The following IL1RAPL1 variants were observed in gnomAD, a reference collection of about 807,000 sequenced individuals.
The protein encoded by IL1RAPL1 is interleukin-1 receptor accessory protein-like 1.
A neutral mutation model predicts 48.4 loss-of-function variants in IL1RAPL1; 3 were observed. The ratio of observed to expected loss-of-function variants is 0.06; its 90% CI spans 0.03 to 0.16. The LOEUF (loss-of-function observed/expected upper bound fraction) is 0.16, where lower values mean the gene tolerates loss of function less well. Among genes scored for constraint, IL1RAPL1 ranks in the 10% least tolerant of loss-of-function variants. The pLI, the probability that IL1RAPL1 is intolerant of heterozygous loss-of-function variation, is 1.00. For synonymous variants in IL1RAPL1, 185 were observed against 187.7 expected, an observed-to-expected ratio of 0.99 and a Z score of 0.12; for missense variants, 349 against 530.6, an observed-to-expected ratio of 0.66 and a Z score of 3.36.
At chrX:29,191,991 C>T (rs144017112) in intron 2 of IL1RAPL1, among the ~76,000 whole-genome samples, 1 of 111,778 alleles carries the variant, frequency 8.9e-6, no homozygotes, top group African/African-American at 3.3e-5. Context: ...AATGCAAGAG[C>T]AAACTCTCCT....
At chrX:29,800,406 C>G (rs62586519) in intron 6 of IL1RAPL1, among the ~76,000 whole-genome samples, 138 of 110,541 alleles carry the variant, frequency 1.2e-3, no homozygotes, top group Admixed American at 2.1e-3. Flanking sequence ...AATTATCTAA[C>G]TTAAGTTACC....
chrX:29,162,027 A>G (rs1929694885), intron 2 of IL1RAPL1, among the ~76,000 whole-genome samples: 1 of 112,200 alleles, frequency 8.9e-6, no homozygotes, highest in African/African-American at 3.2e-5. Context: ...CTATGCAGCC[A>G]TAAAAAAGAA....
intron 3 of IL1RAPL1, among the ~76,000 whole-genome samples, chrX:29,312,439 G>C: frequency 9.0e-6 from 1 of 110,857 alleles, no homozygotes; most frequent in Middle Eastern, 4.6e-3. Context: ...AAACAAAAAG[G>C]GTGCCTTTGC....
chrX:29,174,526 T>A (rs1929970163), intron 2 of IL1RAPL1, among the ~76,000 whole-genome samples: 1 of 112,316 alleles, frequency 8.9e-6, no homozygotes, highest in Admixed American at 9.5e-5. Flanking sequence ...ACATATCAAA[T>A]GTAAACTTCA....
chrX:29,036,546 AT>A (rs926052045), intron 2 of IL1RAPL1, among the ~76,000 whole-genome samples: 47 of 112,044 alleles, frequency 4.2e-4, no homozygotes, highest in Non-Finnish European at 6.4e-4. Flanking sequence ...GCTGGAAAAT[AT>A]TGTCAAGGTT....
intron 2 of IL1RAPL1, among the ~76,000 whole-genome samples, chrX:29,069,670 C>CACACACACA (rs59221015): frequency 1.0e-4 from 11 of 105,108 alleles, no homozygotes; most frequent in Non-Finnish European, 1.8e-4. Context: ...CACACACACA[C>CACACACACA]CCCTCCCCTT....
chrX:29,322,288 T>G (rs73631647), intron 3 of IL1RAPL1, among the ~76,000 whole-genome samples: 2,848 of 108,984 alleles, frequency 0.026, 99 homozygotes, highest in African/African-American at 0.09. Flanking sequence ...TTTTTTTTGA[T>G]GGAGTTTCTT....
At chrX:29,114,696 C>G (rs1186334678) in intron 2 of IL1RAPL1, among the ~76,000 whole-genome samples, 1 of 110,626 alleles carries the variant, frequency 9.0e-6, no homozygotes, top group African/African-American at 3.3e-5. Context: ...GGTGTGATCT[C>G]TGGGCTCACT....
intron 1 of IL1RAPL1, among the ~76,000 whole-genome samples, chrX:28,652,446 A>C (rs1262071923): frequency 1.8e-5 from 2 of 112,068 alleles, no homozygotes; most frequent in Non-Finnish European, 3.8e-5. Flanking sequence ...CTGTGCATGC[A>C]CTACCCTCAT....
At chrX:29,035,198 C>T (rs1304812135) in intron 2 of IL1RAPL1, among the ~76,000 whole-genome samples, 2 of 111,146 alleles carry the variant, frequency 1.8e-5, no homozygotes, top group Non-Finnish European at 3.8e-5. Context: ...CTGCCCGCCT[C>T]GGCCTCCCAA....
At chrX:28,657,026 CA>C (rs766745553) in intron 1 of IL1RAPL1, among the ~76,000 whole-genome samples, 1,313 of 38,421 alleles carry the variant, frequency 0.034, 21 homozygotes, top group African/African-American at 0.092. Flanking sequence ...GACTCTACCT[CA>C]AAAAAAAAAA....
chrX:29,622,945 A>G (rs1305095279), intron 5 of IL1RAPL1, among the ~76,000 whole-genome samples: 1 of 110,397 alleles, frequency 9.1e-6, no homozygotes, highest in African/African-American at 3.3e-5. Flanking sequence ...CATATTCATA[A>G]ATGATATTGT....
At chrX:29,269,487 A>G (rs1460564102) in intron 2 of IL1RAPL1, among the ~76,000 whole-genome samples, 1 of 111,665 alleles carries the variant, frequency 9.0e-6, no homozygotes, top group East Asian at 2.8e-4. Flanking sequence ...TAAAACCAAA[A>G]GCAACAAAGA....
intron 1 of IL1RAPL1, among the ~76,000 whole-genome samples, chrX:28,743,871 A>G (rs746796734): frequency 9.0e-6 from 1 of 111,089 alleles, no homozygotes; most frequent in Middle Eastern, 4.7e-3. Flanking sequence ...TGAAATCCCT[A>G]TACTATTCAC....
intron 6 of IL1RAPL1, among the ~76,000 whole-genome samples, chrX:29,907,322 TTATAAA>T (rs1569199891): frequency 1.3e-4 from 14 of 108,582 alleles, no homozygotes; most frequent in Non-Finnish European, 2.3e-4. Context: ...ATTTTACTAA[TTATAAA>T]TTTAAATCTT....
intron 2 of IL1RAPL1, among the ~76,000 whole-genome samples, chrX:28,871,811 G>A (rs987813252): frequency 8.0e-5 from 9 of 111,966 alleles, no homozygotes; most frequent in Non-Finnish European, 1.7e-4. Flanking sequence ...GAGCAGAATG[G>A]TTAAAAGCAT....
chrX:29,452,916 ATTTTTTTTTTT>A (rs72259685), intron 5 of IL1RAPL1, among the ~76,000 whole-genome samples: 4 of 48,881 alleles, frequency 8.2e-5, no homozygotes, highest in African/African-American at 3.9e-4. Context: ...GTGACTACAG[ATTTTTTTTTTT>A]TTTTTTTTTT....
chrX:28,939,142 A>G (rs1191651354), intron 2 of IL1RAPL1, among the ~76,000 whole-genome samples: 1 of 111,218 alleles, frequency 9.0e-6, no homozygotes, highest in Non-Finnish European at 1.9e-5. Flanking sequence ...TCAAAGACCT[A>G]AAAACAGAAC....
intron 2 of IL1RAPL1, among the ~76,000 whole-genome samples, chrX:29,199,240 C>A (rs1930504834): frequency 9.0e-6 from 1 of 110,782 alleles, no homozygotes; most frequent in African/African-American, 3.3e-5. Flanking sequence ...ATTTTGATTA[C>A]AAGTGTCTAA....
Sources: gnomAD v4.1 joint callset for allele counts (sites outside exome capture counted in the v4.1 genomes callset) on GRCh38, gnomAD v4.1.1 for gene constraint, MANE v1.5 for transcripts, NCBI Gene and HGNC (gene_info 2026-07-23, HGNC 2026-07-21) for gene names.